Variants in GPHN observed in about 807,000 individuals in gnomAD.
The protein encoded by GPHN is gephyrin.
In GPHN, 17 loss-of-function variants were observed where a neutral mutation model predicts 95.5. The ratio of observed to expected loss-of-function variants is 0.18; its 90% confidence interval spans 0.12 to 0.27. The LOEUF is 0.27. Ranked by LOEUF, GPHN falls within the 10% of genes least tolerant of loss-of-function variation. The pLI is 1.00. For missense variants in GPHN, 660 were observed against 978.1 expected, an observed-to-expected ratio of 0.67 and a Z score of 4.34; for synonymous variants, 320 against 322.5, an observed-to-expected ratio of 0.99 and a Z score of 0.08.
intron 8 of GPHN, among the ~76,000 whole-genome samples, chr14:66,958,436 T>C (rs1409910630): frequency 6.6e-6 from 1 of 152,202 alleles, no homozygotes. Flanking sequence ...AACAGAGATA[T>C]GTTCTGAGAA....
intron 1 of GPHN, among the ~76,000 whole-genome samples, chr14:66,533,057 C>G (rs1427260697): frequency 6.6e-6 from 1 of 152,176 alleles, no homozygotes; most frequent in East Asian, 1.9e-4. Flanking sequence ...ATAGTCAGTC[C>G]ACTTGCCTTC....
At chr14:67,104,050 C>A (rs1285992455) in intron 13 of GPHN, among the ~76,000 whole-genome samples, 3 of 152,016 alleles carry the variant, frequency 2.0e-5, no homozygotes, top group Admixed American at 6.6e-5. Flanking sequence ...CTTTCTATAC[C>A]TAAGTTGTTG....
chr14:66,865,009 A>G (rs1235788169), intron 4 of GPHN, among the ~76,000 whole-genome samples: 1 of 152,180 alleles, frequency 6.6e-6, no homozygotes, highest in Non-Finnish European at 1.5e-5. Context: ...GAAGCCAGGC[A>G]CAGAAAGACA....
At chr14:67,633,023 T>C in the GPHN span, among the ~76,000 whole-genome samples, 1 of 151,892 alleles carries the variant, frequency 6.6e-6, no homozygotes, top group Non-Finnish European at 1.5e-5. Context: ...TGTTTCACCA[T>C]GTTAGCCAGG....
chr14:67,208,148 T>C, the GPHN span: 2 of 1,602,284 alleles, frequency 1.2e-6, no homozygotes, highest in South Asian at 2.3e-5. Flanking sequence ...CACAAACACC[T>C]ATTACCTGAT....
At chr14:66,545,866 AC>A (rs1171652604) in intron 1 of GPHN, among the ~76,000 whole-genome samples, 11 of 127,778 alleles carry the variant, frequency 8.6e-5, no homozygotes, top group Admixed American at 2.4e-4. Flanking sequence ...CGGGGGGCTG[AC>A]CCCCCCACCT....
At chr14:67,459,037 G>A in the GPHN span, among the ~76,000 whole-genome samples, 102 of 152,190 alleles carry the variant, frequency 6.7e-4, no homozygotes, top group African/African-American at 2.3e-3. Context: ...ACAGGCACCC[G>A]CCACCATGCC....
At chr14:67,674,415 T>G in the GPHN span, 1 of 1,607,404 alleles carries the variant, frequency 6.2e-7, no homozygotes, top group East Asian at 2.2e-5. Context: ...GCACCCCTTG[T>G]AGGTCTTCAT....
At chr14:66,907,708 T>G (rs2065456012) in intron 5 of GPHN, among the ~76,000 whole-genome samples, 1 of 151,814 alleles carries the variant, frequency 6.6e-6, no homozygotes, top group Non-Finnish European at 1.5e-5. Flanking sequence ...ATGAGTGGAG[T>G]CTGTAAGACT....
At chr14:67,637,918 T>C in the GPHN span, among the ~76,000 whole-genome samples, 4,318 of 152,274 alleles carry the variant, frequency 0.028, 220 homozygotes, top group African/African-American at 0.099. Flanking sequence ...GCAGGAGTAA[T>C]GTGCCACTTT....
chr14:66,555,074 T>G (rs2059955182), intron 1 of GPHN, among the ~76,000 whole-genome samples: 1 of 152,000 alleles, frequency 6.6e-6, no homozygotes, highest in African/African-American at 2.4e-5. Flanking sequence ...AGATTCATAA[T>G]TTGCAGGATA....
the GPHN span, among the ~76,000 whole-genome samples, chr14:67,422,768 C>T: frequency 3.3e-5 from 5 of 151,112 alleles, no homozygotes; most frequent in African/African-American, 9.7e-5. Context: ...AATGAGTAGG[C>T]GATTCCAGAG....
At chr14:66,758,206 T>C (rs1231384904) in intron 2 of GPHN, among the ~76,000 whole-genome samples, 3 of 152,216 alleles carry the variant, frequency 2.0e-5, no homozygotes, top group Admixed American at 6.5e-5. Context: ...AGACAAGTTA[T>C]CGATCCAGTC....
chr14:67,068,291 G>A (rs1286288830), intron 11 of GPHN, among the ~76,000 whole-genome samples: 11 of 152,252 alleles, frequency 7.2e-5, no homozygotes, highest in Admixed American at 2.6e-4. Flanking sequence ...TTTGACTACC[G>A]ATGAATTTTC....
the GPHN span, among the ~76,000 whole-genome samples, chr14:67,670,101 T>A: frequency 9.9e-5 from 15 of 152,242 alleles, no homozygotes; most frequent in East Asian, 2.1e-3. Flanking sequence ...AGAACCTGTG[T>A]CAAACAAATT....
chr14:66,566,382 GT>G (rs563265681), intron 1 of GPHN, among the ~76,000 whole-genome samples: 3 of 151,672 alleles, frequency 2.0e-5, no homozygotes, highest in African/African-American at 7.3e-5. Flanking sequence ...GAGATTTTTT[GT>G]TTTTTTTAAT....
chr14:67,698,084 G>A, the GPHN span, among the ~76,000 whole-genome samples: 1 of 152,176 alleles, frequency 6.6e-6, no homozygotes, highest in African/African-American at 2.4e-5. Context: ...AGTCAGCATT[G>A]CAGATTAGCA....
chr14:67,134,342 C>T lies in GPHN; in HGVS notation c.1749-9020C>T, dbSNP rs138863895. Reference sequence around the variant, plus strand: ...ATCTGTTAGCCCTAATTCTGCCCTCCAAGCAATGCCAAATAAGTTGGCTTC... The same window carrying T: ...ATCTGTTAGCCCTAATTCTGCCCTCTAAGCAATGCCAAATAAGTTGGCTTC... On this transcript the variant is annotated intron_variant, in intron 17 of 22. Transcript: ENST00000478722. 3.0e-3 allele frequency among the ~76,000 whole-genome samples: 454 copies of T among 152,294 alleles called. 3 individuals carry two copies. Among genetic ancestry groups the T allele is most frequent in the African/African-American group, 0.01 (436 of 41,562 alleles).
chr14:67,299,148 T>C, the GPHN span, among the ~76,000 whole-genome samples: 1 of 152,250 alleles, frequency 6.6e-6, no homozygotes, highest in African/African-American at 2.4e-5. Context: ...ATGTACATAG[T>C]GACTAATGAT....
Sources: gnomAD v4.1 joint callset for allele counts (sites outside exome capture counted in the v4.1 genomes callset) on GRCh38, gnomAD v4.1.1 for gene constraint, MANE v1.5 for transcripts, NCBI Gene and HGNC (gene_info 2026-07-23, HGNC 2026-07-21) for gene names.